FGF14: variants seen among roughly 807,000 people sequenced by gnomAD.
FGF14 encodes fibroblast growth factor homologous factor 4.
FGF14 carries 5 observed loss-of-function variants against 25.5 expected under a neutral mutation model. That is an observed-to-expected ratio of 0.20 (90% confidence interval 0.10 to 0.41). The LOEUF (loss-of-function observed/expected upper bound fraction) is 0.41. FGF14 is among the 10% of genes least tolerant of loss of function. FGF14 has a pLI of 1.00. For synonymous variants in FGF14, 138 were observed against 118.3 expected, an observed-to-expected ratio of 1.17 and a Z score of -1.08; for missense variants, 222 against 320.1, an observed-to-expected ratio of 0.69 and a Z score of 2.34.
chr13:102,199,546 C>T (rs2049518225), intron 1 of FGF14, among the ~76,000 whole-genome samples: 1 of 152,188 alleles, frequency 6.6e-6, no homozygotes, highest in Non-Finnish European at 1.5e-5. Flanking sequence ...TGACACTAGA[C>T]TAGATGAATT....
At chr13:102,041,317 A>G (rs2041723666) in intron 1 of FGF14, among the ~76,000 whole-genome samples, 1 of 152,116 alleles carries the variant, frequency 6.6e-6, no homozygotes, top group African/African-American at 2.4e-5. Flanking sequence ...ATATGTTGTA[A>G]AGTTATAGAA....
At chr13:102,325,743 T>A (rs552199335) in intron 1 of FGF14, among the ~76,000 whole-genome samples, 19 of 152,354 alleles carry the variant, frequency 1.2e-4, no homozygotes, top group Middle Eastern at 3.4e-3. Context: ...TTATCTACCA[T>A]GTTTATCTTT....
chr13:102,162,654 C>T (rs1448158882), intron 1 of FGF14, among the ~76,000 whole-genome samples: 3 of 152,060 alleles, frequency 2.0e-5, no homozygotes, highest in Admixed American at 6.6e-5. Flanking sequence ...TTCAATGTAA[C>T]AAAAGACTTC....
intron 1 of FGF14, among the ~76,000 whole-genome samples, chr13:102,098,029 A>C (rs1388447764): frequency 9.2e-5 from 14 of 152,220 alleles, no homozygotes; most frequent in Non-Finnish European, 8.8e-5. Flanking sequence ...AAATGGCCTC[A>C]TCACAGTCAT....
At chr13:101,937,244 G>A (rs1362537143) in intron 1 of FGF14, among the ~76,000 whole-genome samples, 1 of 152,292 alleles carries the variant, frequency 6.6e-6, no homozygotes, top group East Asian at 1.9e-4. Context: ...GTACTGACAT[G>A]GAAGCTAATT....
In FGF14 at chr13:101,922,508, GCCT is replaced by G. The variant is rs553469935; in HGVS notation, c.209-47215_209-47213del. On this transcript the variant is annotated intron_variant, in intron 1 of 4. Transcript: ENST00000376131. ...TAACACACACACAGTTTTCTATCTT[GCCT>G]CCTCATTTTCAGATTGTTGATTGAT... is the stretch of plus-strand genomic sequence containing the variant. 9.2e-5 allele frequency among the ~76,000 whole-genome samples: 14 copies of G among 152,080 alleles called. No homozygotes were observed. In the East Asian group the frequency reaches 2.7e-3, roughly 29 times the overall value.
chr13:102,256,968 T>G (rs1386961074), intron 1 of FGF14, among the ~76,000 whole-genome samples: 1 of 152,208 alleles, frequency 6.6e-6, no homozygotes, highest in Non-Finnish European at 1.5e-5. Context: ...TTTCCTTCAC[T>G]TTTCACATGG....
At chr13:102,063,961 A>G (rs1386877473) in intron 1 of FGF14, among the ~76,000 whole-genome samples, 4 of 152,224 alleles carry the variant, frequency 2.6e-5, no homozygotes, top group Non-Finnish European at 5.9e-5. Context: ...CCATTTAAGT[A>G]AAATAAAATT....
chr13:101,733,377 A>G (rs372492056), intron 3 of FGF14, among the ~76,000 whole-genome samples: 11 of 152,152 alleles, frequency 7.2e-5, no homozygotes, highest in African/African-American at 1.7e-4. Flanking sequence ...GCAGGCGATC[A>G]TGAGGTCAAA....
intron 1 of FGF14, among the ~76,000 whole-genome samples, chr13:102,388,502 C>G (rs958388876): frequency 6.6e-5 from 10 of 152,138 alleles, no homozygotes; most frequent in African/African-American, 2.4e-4. Flanking sequence ...CAGTTGACTC[C>G]CATGTCTCTC....
intron 1 of FGF14, among the ~76,000 whole-genome samples, chr13:102,199,829 C>T (rs1002274108): frequency 6.6e-6 from 1 of 152,176 alleles, no homozygotes; most frequent in African/African-American, 2.4e-5. Context: ...GACTTTAGAG[C>T]GTGTTTCTCT....
At chr13:101,767,387 C>T (rs942038830) in intron 3 of FGF14, among the ~76,000 whole-genome samples, 2 of 151,956 alleles carry the variant, frequency 1.3e-5, no homozygotes, top group Admixed American at 6.6e-5. Flanking sequence ...CCTAGGGTTT[C>T]AGAAGTGCAG....
chr13:101,726,069 C>T (rs777599131), intron 4 of FGF14, among the ~76,000 whole-genome samples: 12 of 151,824 alleles, frequency 7.9e-5, no homozygotes, highest in Non-Finnish European at 1.5e-4. Flanking sequence ...TGAAGAATTA[C>T]ACAATTTGAA....
At chr13:101,759,210 C>G (rs1012548069) in intron 3 of FGF14, among the ~76,000 whole-genome samples, 3 of 152,132 alleles carry the variant, frequency 2.0e-5, no homozygotes, top group Non-Finnish European at 2.9e-5. Flanking sequence ...TTCCACTAAC[C>G]CCAGCAATTA....
chr13:102,154,754 A>G (rs1329898476), intron 1 of FGF14, among the ~76,000 whole-genome samples: 2 of 152,118 alleles, frequency 1.3e-5, no homozygotes, highest in Admixed American at 6.6e-5. Context: ...CCATCAGTGT[A>G]CTGTATTCAG....
At chr13:101,970,772 C>T (rs2037543169) in intron 1 of FGF14, among the ~76,000 whole-genome samples, 1 of 152,198 alleles carries the variant, frequency 6.6e-6, no homozygotes, top group Non-Finnish European at 1.5e-5. Context: ...GACTTTTCAT[C>T]TATTCTTCTG....
At chr13:102,401,775 G>A (rs1163563848), upstream of FGF14, 4 of 1,064,262 alleles carry the variant, frequency 3.8e-6, no homozygotes, top group East Asian at 7.7e-5. Flanking sequence ...TTTCGGCCAG[G>A]GTGAATGATT....
chr13:102,237,895 A>G (rs2051404071), intron 1 of FGF14, among the ~76,000 whole-genome samples: 1 of 152,172 alleles, frequency 6.6e-6, no homozygotes, highest in African/African-American at 2.4e-5. Flanking sequence ...GACCACATCT[A>G]TTGAGGAAAT....
intron 1 of FGF14, among the ~76,000 whole-genome samples, chr13:102,341,146 A>G (rs557007768): frequency 6.2e-4 from 94 of 152,280 alleles, no homozygotes; most frequent in African/African-American, 2.3e-3. Context: ...AAAAAACCCA[A>G]CTTTTGTTTC....
Sources: gnomAD v4.1 joint callset for allele counts (sites outside exome capture counted in the v4.1 genomes callset) on GRCh38, gnomAD v4.1.1 for gene constraint, MANE v1.5 for transcripts, NCBI Gene and HGNC (gene_info 2026-07-23, HGNC 2026-07-21) for gene names.